Variants in KIAA1217 observed in about 807,000 individuals in gnomAD.
The protein encoded by KIAA1217 is sickle tail protein homolog.
KIAA1217 carries 88 observed loss-of-function variants against 163.9 expected under a neutral mutation model. That is an observed-to-expected ratio of 0.54 (90% CI 0.45 to 0.64). KIAA1217 has a LOEUF of 0.64. Ranked by LOEUF, KIAA1217 falls within the 30% of genes least tolerant of loss-of-function variation. The pLI is 0.00. For synonymous variants in KIAA1217, 903 were observed against 923.1 expected (o/e 0.98, Z 0.39); for missense variants, 2,372 against 2,475.0 (o/e 0.96, Z 0.88).
intron 3 of KIAA1217, among the ~76,000 whole-genome samples, chr10:24,427,098 G>A (rs1031202376): frequency 2.0e-5 from 3 of 152,108 alleles, no homozygotes; most frequent in African/African-American, 7.2e-5. Flanking sequence ...AGCCATGGAG[G>A]TGAAAGAACC....
chr10:24,411,515 T>C (rs1225056138), intron 3 of KIAA1217, among the ~76,000 whole-genome samples: 1 of 152,224 alleles, frequency 6.6e-6, no homozygotes, highest in Admixed American at 6.5e-5. Flanking sequence ...TGCATTTTGA[T>C]ACTAACTGCT....
intron 3 of KIAA1217, among the ~76,000 whole-genome samples, chr10:24,420,545 A>G (rs1158237458): frequency 6.6e-6 from 1 of 152,166 alleles, no homozygotes; most frequent in Non-Finnish European, 1.5e-5. Context: ...ATTTTCCAGC[A>G]TAGTTTATGA....
intron 5 of KIAA1217, among the ~76,000 whole-genome samples, chr10:24,452,554 C>T (rs1592061250): frequency 6.6e-6 from 1 of 150,376 alleles, no homozygotes; most frequent in African/African-American, 2.4e-5. Context: ...TGGTGGCGGG[C>T]GCCTGTAGTC....
At chr10:24,480,519 A>G (rs752958829) in intron 6 of KIAA1217, among the ~76,000 whole-genome samples, 1 of 152,194 alleles carries the variant, frequency 6.6e-6, no homozygotes, top group Non-Finnish European at 1.5e-5. Context: ...AAAGTACCGA[A>G]TCTTGCTCTG....
intron 9 of KIAA1217, among the ~76,000 whole-genome samples, chr10:24,510,978 C>G (rs1291866133): frequency 1.3e-5 from 2 of 151,876 alleles, no homozygotes; most frequent in Non-Finnish European, 2.9e-5. Context: ...ATGCCAGACA[C>G]AGTGTACCAG....
rs1564921604 is a variant in KIAA1217, at chr10:24,547,557, T to A, written c.*1233T>A. 1.3e-5 allele frequency: 2 copies of A among 152,366 alleles called. No homozygotes were observed. Among genetic ancestry groups the A allele is most frequent in the East Asian group, 3.9e-4 (2 of 5,188 alleles). The allele number at this position is 152,366 out of a possible 1,614,324, so 9.4% of individuals were successfully genotyped here. A position where few individuals can be genotyped will look rare whatever the true frequency, so the allele number is the denominator to read the frequency against. ...GAAATGTAACTGTTACCGAGTTAAA[T>A]GTTTTTCCGCTTTGAGGGATGTAAC... On this transcript the variant is annotated 3_prime_UTR_variant, in exon 21 of 21. Transcript: ENST00000376454.
intron 2 of KIAA1217, among the ~76,000 whole-genome samples, chr10:24,132,058 A>T (rs2063672203): frequency 6.6e-6 from 1 of 152,172 alleles, no homozygotes; most frequent in Admixed American, 6.5e-5. Context: ...GCTACTTATA[A>T]CATATGGCTT....
chr10:24,407,244 C>T (rs984396799), intron 3 of KIAA1217, among the ~76,000 whole-genome samples: 1 of 150,020 alleles, frequency 6.7e-6, no homozygotes, highest in African/African-American at 2.5e-5. Flanking sequence ...ACTTTGTGTC[C>T]TTGATGAAGA....
intron 1 of KIAA1217, among the ~76,000 whole-genome samples, chr10:23,987,673 A>G (rs1006128038): frequency 4.6e-5 from 7 of 151,760 alleles, no homozygotes; most frequent in Non-Finnish European, 8.8e-5. Context: ...CTACTCTCTT[A>G]GCAATTTTTA....
intron 1 of KIAA1217, among the ~76,000 whole-genome samples, chr10:23,907,154 T>A (rs879301785): frequency 6.6e-6 from 1 of 152,130 alleles, no homozygotes; most frequent in Admixed American, 6.6e-5. Context: ...ACTGCTGCTT[T>A]GCTTGAGTTA....
At chr10:23,902,311 C>T (rs1209464999) in intron 1 of KIAA1217, among the ~76,000 whole-genome samples, 1 of 152,038 alleles carries the variant, frequency 6.6e-6, no homozygotes. Flanking sequence ...TAAGTGGGAG[C>T]TACGTGATAA....
chr10:23,920,293 G>A (rs937144790), intron 1 of KIAA1217, among the ~76,000 whole-genome samples: 1 of 152,206 alleles, frequency 6.6e-6, no homozygotes, highest in African/African-American at 2.4e-5. Context: ...AGCTTCAGAG[G>A]TAGACATCGG....
At chr10:23,940,382 C>G (rs1185889761) in intron 1 of KIAA1217, among the ~76,000 whole-genome samples, 5 of 148,194 alleles carry the variant, frequency 3.4e-5, no homozygotes, top group African/African-American at 1.3e-4. Context: ...ATCATTTGAA[C>G]CTGGGAGGCG....
At chr10:23,926,517 G>A (rs1843026741) in intron 1 of KIAA1217, among the ~76,000 whole-genome samples, 1 of 152,126 alleles carries the variant, frequency 6.6e-6, no homozygotes, top group Non-Finnish European at 1.5e-5. Flanking sequence ...CTGAGGTCAG[G>A]AGTTCAAGAC....
intron 1 of KIAA1217, among the ~76,000 whole-genome samples, chr10:23,699,431 T>G (rs969656341): frequency 6.6e-6 from 1 of 152,214 alleles, no homozygotes; most frequent in Admixed American, 6.5e-5. Flanking sequence ...GGTCAGGATC[T>G]CCTGGGTGGT....
chr10:24,113,572 A>G (rs1001135292), intron 2 of KIAA1217, among the ~76,000 whole-genome samples: 1 of 152,208 alleles, frequency 6.6e-6, no homozygotes, highest in African/African-American at 2.4e-5. Flanking sequence ...ATCACTGGAA[A>G]GGCTAGAAGA....
chr10:24,262,212 C>A (rs1228300895), intron 2 of KIAA1217, among the ~76,000 whole-genome samples: 1 of 152,186 alleles, frequency 6.6e-6, no homozygotes, highest in Non-Finnish European at 1.5e-5. Flanking sequence ...CGCACAAGGA[C>A]TTCAAGGTGA....
intron 2 of KIAA1217, among the ~76,000 whole-genome samples, chr10:24,243,305 G>T (rs1233348018): frequency 6.6e-6 from 1 of 152,060 alleles, no homozygotes; most frequent in Non-Finnish European, 1.5e-5. Flanking sequence ...ACATGTGCAT[G>T]TTTGTTTCAT....
In KIAA1217 at chr10:24,280,583, G is replaced by A. The variant is rs1430649996; in HGVS notation, c.354+60674G>A. 7.5e-4 allele frequency among the ~76,000 whole-genome samples: 114 copies of A among 152,146 alleles called. 2 individuals are homozygous for A. The highest frequency in any genetic ancestry group is 2.3e-3 in the African/African-American group (96 of 41,502). On this transcript the variant is annotated intron_variant, in intron 2 of 20. Coordinates refer to ENST00000376454, the MANE Select transcript of KIAA1217 (RefSeq NM_019590.5). ...TCCCAGCACTTTGGGAGGCGGAGGCGGGTGGATTGCGAGGTCAGGAGATCG... is the reference window on the plus strand; with the variant it reads ...TCCCAGCACTTTGGGAGGCGGAGGCAGGTGGATTGCGAGGTCAGGAGATCG...
Sources: allele counts gnomAD v4.1 joint callset (sites outside exome capture counted in the v4.1 genomes callset), GRCh38; gene constraint gnomAD v4.1.1; transcripts MANE v1.5; gene names NCBI Gene and HGNC (gene_info 2026-07-23, HGNC 2026-07-21).